The following CCDC171 variants were observed in gnomAD, a reference collection of about 807,000 sequenced individuals.
The protein encoded by CCDC171 is coiled-coil domain-containing protein 171.
A neutral mutation model predicts 168.2 loss-of-function variants in CCDC171; 177 were observed. That is an observed-to-expected ratio of 1.05 (90% confidence interval 0.93 to 1.19). The LOEUF is 1.19. Among genes scored for constraint, CCDC171 ranks in the 50% most tolerant of loss-of-function variants. The pLI is 0.00. For synonymous variants in CCDC171, 687 were observed against 540.8 expected, an observed-to-expected ratio of 1.27 and a Z score of -3.75; for missense variants, 1,991 against 1,539.0, an observed-to-expected ratio of 1.29 and a Z score of -4.91.
chr9:15,638,995 G>C (rs1385012736), intron 7 of CCDC171, among the ~76,000 whole-genome samples: 2 of 152,056 alleles, frequency 1.3e-5, no homozygotes, highest in African/African-American at 2.4e-5. Context: ...TTATGGTAGA[G>C]AGAGAACAGT....
chr9:15,867,871 G>A (rs2061857609), intron 23 of CCDC171, among the ~76,000 whole-genome samples: 2 of 151,946 alleles, frequency 1.3e-5, no homozygotes, highest in African/African-American at 4.8e-5. Flanking sequence ...TGTTTAAATA[G>A]CTCAAGGTCA....
chr9:15,932,853 A>G (rs1003975678), intron 25 of CCDC171, among the ~76,000 whole-genome samples: 2 of 151,870 alleles, frequency 1.3e-5, no homozygotes, highest in African/African-American at 2.4e-5. Flanking sequence ...GTCTATTGAA[A>G]TGATCATATT....
intron 3 of CCDC171, among the ~76,000 whole-genome samples, chr9:16,015,125 A>T (rs571731916): frequency 2.0e-4 from 31 of 152,306 alleles, no homozygotes; most frequent in African/African-American, 6.0e-4. Flanking sequence ...ATAAAAAAAA[A>T]TCTGTTGTGT....
At chr9:15,566,195 GT>G (rs77870058) in intron 2 of CCDC171, among the ~76,000 whole-genome samples, 2,886 of 144,998 alleles carry the variant, frequency 0.02, 49 homozygotes, top group African/African-American at 0.047. Context: ...TTTAAATTGT[GT>G]TTTTTTTTTT....
intron 24 of CCDC171, among the ~76,000 whole-genome samples, chr9:15,898,933 TTC>T (rs758472380): frequency 6.6e-6 from 1 of 152,148 alleles, no homozygotes; most frequent in Non-Finnish European, 1.5e-5. Context: ...ACCAACAAAA[TTC>T]TCTCTCAAGT....
intron 1 of CCDC171, among the ~76,000 whole-genome samples, chr9:15,559,402 G>A (rs888105275): frequency 6.6e-6 from 1 of 152,136 alleles, no homozygotes; most frequent in African/African-American, 2.4e-5. Context: ...CTTGCTTTAT[G>A]AATCTGGCTG....
At chr9:15,626,246 T>C (rs979552549) in intron 7 of CCDC171, among the ~76,000 whole-genome samples, 1 of 152,214 alleles carries the variant, frequency 6.6e-6, no homozygotes, top group Non-Finnish European at 1.5e-5. Flanking sequence ...AAATATACAA[T>C]CACGTCATCT....
chr9:15,693,227 C>G (rs35146544), intron 10 of CCDC171, among the ~76,000 whole-genome samples: 72,540 of 151,846 alleles, frequency 0.48, 17,768 homozygotes, highest in East Asian at 0.77. Context: ...CACACATGCA[C>G]ACACACACTT....
chr9:15,903,358 A>G (rs1053812445), intron 24 of CCDC171, among the ~76,000 whole-genome samples: 5 of 152,248 alleles, frequency 3.3e-5, no homozygotes, highest in African/African-American at 2.4e-5. Flanking sequence ...ATCAGGCGGC[A>G]ACCTTTGCTG....
At chr9:15,799,651 G>A (rs1333961942) in intron 21 of CCDC171, among the ~76,000 whole-genome samples, 1 of 151,956 alleles carries the variant, frequency 6.6e-6, no homozygotes. Flanking sequence ...ATTTTTAAAT[G>A]TATAATTAAA....
intron 18 of CCDC171, among the ~76,000 whole-genome samples, chr9:15,768,169 T>G (rs1170373967): frequency 6.7e-6 from 1 of 148,958 alleles, no homozygotes; most frequent in Non-Finnish European, 1.5e-5. Context: ...AAAGCTTGTA[T>G]ACTTAGCTTC....
intron 23 of CCDC171, among the ~76,000 whole-genome samples, chr9:15,851,848 C>G (rs1304598710): frequency 6.6e-6 from 1 of 151,860 alleles, no homozygotes; most frequent in Admixed American, 6.6e-5. Flanking sequence ...TTTTAGATGT[C>G]TGGCTTCTTT....
chr9:15,895,565 A>G (rs1820795710), intron 24 of CCDC171, among the ~76,000 whole-genome samples: 1 of 152,084 alleles, frequency 6.6e-6, no homozygotes, highest in Non-Finnish European at 1.5e-5. Context: ...ATAGACTCCA[A>G]AGTCTCCAAA....
intron 25 of CCDC171, among the ~76,000 whole-genome samples, chr9:15,930,574 A>G (rs1221970833): frequency 6.6e-6 from 1 of 151,672 alleles, no homozygotes; most frequent in South Asian, 2.1e-4. Flanking sequence ...CTTACATGGT[A>G]TATACTCAGT....
At chr9:15,996,451 G>A (rs953173922) in intron 3 of CCDC171, among the ~76,000 whole-genome samples, 1 of 146,208 alleles carries the variant, frequency 6.8e-6, no homozygotes, top group East Asian at 2.0e-4. Flanking sequence ...TGCGGGGGGC[G>A]GACATTGGAA....
chr9:15,830,462 C>T (rs1053487409), intron 21 of CCDC171, among the ~76,000 whole-genome samples: 2 of 152,136 alleles, frequency 1.3e-5, no homozygotes, highest in Non-Finnish European at 2.9e-5. Context: ...AACAGACTTT[C>T]CCCTAAACAA....
chr9:15,628,091 C>T (rs142331663), intron 7 of CCDC171, among the ~76,000 whole-genome samples: 2,246 of 152,228 alleles, frequency 0.015, 64 homozygotes, highest in African/African-American at 0.052. Flanking sequence ...CAGCTCCCAG[C>T]GTGAGCGACG....
chr9:15,719,807 GA>G (rs1564280224), intron 11 of CCDC171, among the ~76,000 whole-genome samples: 1 of 152,086 alleles, frequency 6.6e-6, no homozygotes, highest in East Asian at 1.9e-4. Context: ...CAGATTTCCC[GA>G]GTGTCCTTGA....
intron 18 of CCDC171, among the ~76,000 whole-genome samples, chr9:15,775,612 C>G (rs951468623): frequency 2.6e-5 from 4 of 152,204 alleles, no homozygotes; most frequent in African/African-American, 9.7e-5. Flanking sequence ...GCCACTGTGA[C>G]CGGCCTATTT....
Sources: allele counts gnomAD v4.1 joint callset (sites outside exome capture counted in the v4.1 genomes callset), GRCh38; gene constraint gnomAD v4.1.1; transcripts MANE v1.5; gene names NCBI Gene and HGNC (gene_info 2026-07-23, HGNC 2026-07-21).